Variants in MARCHF11 observed in about 807,000 individuals in gnomAD.
MARCHF11 encodes membrane associated ring-CH-type finger 11, also known as E3 ubiquitin-protein ligase MARCHF11.
A neutral mutation model predicts 37.3 loss-of-function variants in MARCHF11; 29 were observed. The ratio of observed to expected loss-of-function variants is 0.78; its 90% confidence interval spans 0.58 to 1.06. The LOEUF is 1.06. MARCHF11 is among the 50% of genes least tolerant of loss of function. MARCHF11 has a pLI of 0.00. For missense variants in MARCHF11, 482 were observed against 533.4 expected, an observed-to-expected ratio of 0.90 and a Z score of 0.95; for synonymous variants, 233 against 228.0, an observed-to-expected ratio of 1.02 and a Z score of -0.20.
intron 2 of MARCHF11, among the ~76,000 whole-genome samples, chr5:16,153,700 C>T (rs75948946): frequency 0.033 from 5,090 of 151,990 alleles, 302 homozygotes; most frequent in African/African-American, 0.12. Flanking sequence ...TTTATCCTTT[C>T]CTTAGTAAAA....
intron 2 of MARCHF11, among the ~76,000 whole-genome samples, chr5:16,098,825 G>A (rs1338490588): frequency 6.6e-6 from 1 of 150,802 alleles, no homozygotes; most frequent in Non-Finnish European, 1.5e-5. Context: ...TTAAATATCA[G>A]CAGCAAAAGG....
intron 2 of MARCHF11, among the ~76,000 whole-genome samples, chr5:16,159,424 C>T (rs915728025): frequency 6.6e-6 from 1 of 151,868 alleles, no homozygotes; most frequent in African/African-American, 2.4e-5. Flanking sequence ...TACAACAAAC[C>T]AAGTTCTTTA....
intron 2 of MARCHF11, among the ~76,000 whole-genome samples, chr5:16,143,256 G>A (rs535015009): frequency 1.1e-3 from 165 of 152,226 alleles, no homozygotes; most frequent in African/African-American, 3.5e-3. Context: ...AGACCTCCAC[G>A]GATATGCTGG....
At chr5:16,138,934 T>C (rs1228921637) in intron 2 of MARCHF11, among the ~76,000 whole-genome samples, 1 of 152,224 alleles carries the variant, frequency 6.6e-6, no homozygotes, top group Non-Finnish European at 1.5e-5. Context: ...AGGAAGCAAC[T>C]AACTTGCTTT....
intron 2 of MARCHF11, 54 bp from the exon 3 acceptor site, chr5:16,091,135 A>AG (rs1736785954): frequency 7.3e-7 from 1 of 1,364,458 alleles, no homozygotes; most frequent in Non-Finnish European, 9.7e-7. Flanking sequence ...TTAAAAAAGA[A>AG]AAAAAAACAT....
chr5:16,171,926 G>A (rs1364731792), intron 2 of MARCHF11, among the ~76,000 whole-genome samples: 3 of 152,170 alleles, frequency 2.0e-5, no homozygotes, highest in Non-Finnish European at 4.4e-5. Context: ...AGAGGAAGGT[G>A]TCCAAAGGGA....
intron 2 of MARCHF11, among the ~76,000 whole-genome samples, chr5:16,134,403 G>A (rs944294636): frequency 2.0e-5 from 3 of 152,006 alleles, no homozygotes; most frequent in African/African-American, 7.3e-5. Flanking sequence ...TTCTCTTTGC[G>A]TGCTGCCATG....
chr5:16,100,503 G>A (rs1042357867), intron 2 of MARCHF11, among the ~76,000 whole-genome samples: 1 of 152,172 alleles, frequency 6.6e-6, no homozygotes, highest in Non-Finnish European at 1.5e-5. Flanking sequence ...TGAGAATCAC[G>A]ACCAGTAGAG....
intron 2 of MARCHF11, among the ~76,000 whole-genome samples, chr5:16,098,759 C>T (rs1736909782): frequency 1.4e-5 from 2 of 145,534 alleles, no homozygotes. Flanking sequence ...CAGAGTGAGA[C>T]TCCATCTCAA....
At chr5:16,176,907 T>G (rs1245117433) in intron 2 of MARCHF11, among the ~76,000 whole-genome samples, 2 of 152,158 alleles carry the variant, frequency 1.3e-5, no homozygotes, top group African/African-American at 4.8e-5. Context: ...TCTACTTAAC[T>G]TCAGCCTACC....
At chr5:16,073,483 A>G (rs1736469919) in intron 3 of MARCHF11, among the ~76,000 whole-genome samples, 1 of 152,116 alleles carries the variant, frequency 6.6e-6, no homozygotes, top group Non-Finnish European at 1.5e-5. Flanking sequence ...AATAACCATA[A>G]GTCATGGTTA....
intron 2 of MARCHF11, among the ~76,000 whole-genome samples, chr5:16,160,451 A>G (rs1050135248): frequency 9.5e-5 from 14 of 147,912 alleles, no homozygotes; most frequent in African/African-American, 3.4e-4. Context: ...TATCTTTTAT[A>G]TTTTAGAGAT....
At chr5:16,124,490 T>C (rs2126579386) in intron 2 of MARCHF11, among the ~76,000 whole-genome samples, 1 of 152,210 alleles carries the variant, frequency 6.6e-6, no homozygotes, top group Non-Finnish European at 1.5e-5. Context: ...AACTCAAAAG[T>C]AAGACACGGG....
At chr5:16,087,127 C>T (rs1180106731) in intron 3 of MARCHF11, among the ~76,000 whole-genome samples, 2 of 152,222 alleles carry the variant, frequency 1.3e-5, no homozygotes, top group Non-Finnish European at 2.9e-5. Context: ...AGTAGAAGCA[C>T]TCCCCAGATA....
At chr5:16,087,674 C>T (rs1736720751) in intron 3 of MARCHF11, among the ~76,000 whole-genome samples, 1 of 152,078 alleles carries the variant, frequency 6.6e-6, no homozygotes, top group Non-Finnish European at 1.5e-5. Context: ...GATGTTTCAA[C>T]TATGATAGCG....
chr5:16,161,966 C>T (rs372057208), intron 2 of MARCHF11, among the ~76,000 whole-genome samples: 2 of 151,964 alleles, frequency 1.3e-5, no homozygotes, highest in African/African-American at 2.4e-5. Flanking sequence ...AAGGAGAACA[C>T]AGGTCTAAAA....
intron 1 of MARCHF11, 101 bp downstream of exon 1, chr5:16,178,938 G>A (rs1289478611): frequency 1.5e-6 from 2 of 1,309,094 alleles, no homozygotes; most frequent in Non-Finnish European, 2.0e-6. Flanking sequence ...CCTCACTGGA[G>A]GCAAACTGGG....
intron 2 of MARCHF11, among the ~76,000 whole-genome samples, chr5:16,158,843 C>T (rs1030031135): frequency 2.6e-5 from 4 of 151,882 alleles, no homozygotes; most frequent in African/African-American, 9.7e-5. Context: ...CGTTATTTTT[C>T]CTGATGCTCT....
At chr5:16,142,363 C>T (rs975938882) in intron 2 of MARCHF11, among the ~76,000 whole-genome samples, 18 of 152,146 alleles carry the variant, frequency 1.2e-4, no homozygotes, top group African/African-American at 3.6e-4. Flanking sequence ...AAAATAGCAA[C>T]GCTGGAAGTA....
Sources: gnomAD v4.1 joint callset for allele counts (sites outside exome capture counted in the v4.1 genomes callset) on GRCh38, gnomAD v4.1.1 for gene constraint, MANE v1.5 for transcripts, NCBI Gene and HGNC (gene_info 2026-07-23, HGNC 2026-07-21) for gene names.